KPNB1: variants seen among roughly 807,000 people sequenced by gnomAD.
The protein encoded by KPNB1 is karyopherin subunit beta 1, also known as importin subunit beta-1.
Under a neutral mutation model 113.0 loss-of-function variants are expected in KPNB1, and 7 were observed. The ratio of observed to expected loss-of-function variants is 0.06; its 90% confidence interval spans 0.04 to 0.12. The LOEUF (loss-of-function observed/expected upper bound fraction) is 0.12. Among genes scored for constraint, KPNB1 ranks in the 10% least tolerant of loss-of-function variants. The pLI, the probability that KPNB1 is intolerant of heterozygous loss-of-function variation, is 1.00. For missense variants in KPNB1, 400 were observed against 1,054.8 expected (o/e 0.38, Z 8.60); for synonymous variants, 363 against 378.6 (o/e 0.96, Z 0.48).
At chr17:47,677,983 T>A in intron 17 of KPNB1, 63 bp from the exon 18 acceptor site, 1 of 1,494,736 alleles carries the variant, frequency 6.7e-7, no homozygotes, top group South Asian at 1.2e-5. Flanking sequence ...AAATGAAATT[T>A]TCATGAATCT....
At position 47,650,197 on chromosome 17, in the gene KPNB1, G is replaced by A. The variant is rs1402603382; in HGVS notation, c.-48G>A. The A allele has an allele frequency of 7.1e-6, 9 of 1,273,238 alleles. No homozygotes were observed. The highest frequency in any genetic ancestry group is 8.1e-6 in the Non-Finnish European group (8 of 989,006). 78.9% of individuals were successfully genotyped at this position (1,273,238 alleles called of 1,614,324 possible). ...CCCCAGTTCGAGCCGCCGCCCGAAA[G>A]GCCGGGCCGTCGTCTTAGGAGGAGT... On this transcript the variant is annotated 5_prime_UTR_variant, in exon 1 of 22. Coordinates refer to ENST00000290158, the MANE Select transcript of KPNB1 (RefSeq NM_002265.6).
At chr17:47,662,904 A>G (rs141184870) in intron 6 of KPNB1, among the ~76,000 whole-genome samples, 185 bp from the exon 7 acceptor site, 2 of 152,280 alleles carry the variant, frequency 1.3e-5, no homozygotes, top group Non-Finnish European at 2.9e-5. Context: ...AAGAGAGACA[A>G]AATGGGAAAA....
Position 47,665,069 on chromosome 17 carries a change from G to A in KPNB1, c.910G>A (p.Gly304Arg). Residue 304 changes from glycine (G) to arginine (R), a missense_variant, in exon 9 of 22, where the codon GGA (glycine) becomes AGA (arginine). Coordinates refer to ENST00000290158, the MANE Select transcript of KPNB1 (RefSeq NM_002265.6). ...AIEASEAAEQ[G>R]RPPEHTSKFY... ...TGTTTCTCCTCAGGCAGCAGAACAA[G>A]GACGGCCCCCTGAGCACACCAGCAA... 1 of 1,614,170 alleles carries A rather than the reference G, an allele frequency of 6.2e-7. No individual in the cohort carries two copies. Among genetic ancestry groups the A allele is most frequent in the Non-Finnish European group, 8.5e-7 (1 of 1,180,016 alleles).
intron 19 of KPNB1, 26 bp from the exon 20 acceptor site, chr17:47,679,994 A>G (rs2030725907): frequency 1.4e-5 from 22 of 1,538,022 alleles, no homozygotes; most frequent in Non-Finnish European, 2.0e-5. Context: ...ACCGCACCCG[A>G]CCAATACCTT....
At chr17:47,675,318 T>G (rs1366156316) in intron 15 of KPNB1, among the ~76,000 whole-genome samples, 2 of 150,978 alleles carry the variant, frequency 1.3e-5, no homozygotes, top group East Asian at 3.9e-4. Context: ...GTCAGTCCAT[T>G]TAAATGGGGA....
In KPNB1 at chr17:47,682,856, C is replaced by T; in HGVS notation, c.*452C>T. On this transcript the variant is annotated 3_prime_UTR_variant, in exon 22 of 22. Transcript: ENST00000290158. ...TTGCTACTGAGGAGAAAGATGGAGCCTGGGTCTCAAGCCCACCTTCGCTGT... is the reference window on the plus strand; with the variant it reads ...TTGCTACTGAGGAGAAAGATGGAGCTTGGGTCTCAAGCCCACCTTCGCTGT... 5.3e-6 allele frequency: 1 copy of T among 189,928 alleles called. No homozygotes were observed. The highest frequency in any genetic ancestry group is 5.4e-5 in the Admixed American group (1 of 18,592). The allele number at this position is 189,928 out of a possible 1,614,324, so 11.8% of individuals were successfully genotyped here.
At chr17:47,658,212 T>G (rs2029965510) in intron 4 of KPNB1, among the ~76,000 whole-genome samples, 1 of 152,200 alleles carries the variant, frequency 6.6e-6, no homozygotes, top group Non-Finnish European at 1.5e-5. Context: ...TTACATAAAA[T>G]GGTGTAGTAT....
rs1280805653 is a variant in KPNB1, at chr17:47,673,175, A to G, written c.1695+10A>G. 1 of 1,613,722 alleles carries G rather than the reference A, an allele frequency of 6.2e-7. No individual in the cohort carries two copies. Among genetic ancestry groups the G allele is most frequent in the African/African-American group, 1.3e-5 (1 of 75,022 alleles). ...GGTTCTTCAGATGGAGGTGAGACCT[A>G]AGAGTGCCCCTGACTATGGGTGGGA... On this transcript the variant is annotated intron_variant, in intron 13 of 21. Coordinates refer to ENST00000290158, the MANE Select transcript of KPNB1 (RefSeq NM_002265.6).
Position 47,668,421 on chromosome 17 carries a change from G to A in KPNB1, c.1224+11G>A, listed in dbSNP as rs750451871. The A allele has an allele frequency of 1.2e-6, 2 of 1,600,272 alleles. No homozygotes were observed. Among genetic ancestry groups the A allele is most frequent in the Non-Finnish European group, 1.7e-6 (2 of 1,167,952 alleles). On this transcript the variant is annotated intron_variant, in intron 10 of 21. Coordinates refer to ENST00000290158, the MANE Select transcript of KPNB1 (RefSeq NM_002265.6). ...CCACTAGTTATACAGGTGAAACTGA[G>A]GGATTTTTGGAGTAGAAAGTAGGAT...
At chr17:47,680,229 A>C in intron 20 of KPNB1, 95 bp downstream of exon 20, 2 of 927,944 alleles carry the variant, frequency 2.2e-6, no homozygotes. Flanking sequence ...GCGGATGGCA[A>C]CAGTTCACTT....
rs139943119 is a variant in KPNB1, at chr17:47,654,598, G to A, written c.282+1722G>A. 3.7e-3 allele frequency among the ~76,000 whole-genome samples: 560 copies of A among 152,136 alleles called. 3 individuals carry two copies. Among genetic ancestry groups the A allele is most frequent in the Non-Finnish European group, 5.3e-3 (359 of 67,974 alleles). On this transcript the variant is annotated intron_variant, in intron 3 of 21. Coordinates refer to ENST00000290158, the MANE Select transcript of KPNB1 (RefSeq NM_002265.6). ...GATATTGGGGCACAATTGGGAGCTA[G>A]TTTCTCTTTTCTGATAATTGAATAT... is the stretch of plus-strand genomic sequence containing the variant.
Position 47,678,303 on chromosome 17 carries a change from T to TA in KPNB1, c.2248-4dup, listed in dbSNP as rs763395873. The TA allele has an allele frequency of 6.2e-7, 1 of 1,613,148 alleles. No individual in the cohort carries two copies. The highest frequency in any genetic ancestry group is 2.2e-5 in the East Asian group (1 of 44,890). ...GATGTAGGTTCTGTTCTTTGTGTCT[T>TA]ACAGTCAGACTATGACATGGTGGAT... On this transcript the variant is annotated splice_region_variant and splice_polypyrimidine_tract_variant and intron_variant, in intron 18 of 21. Transcript: ENST00000290158.
At chr17:47,676,578 G>A in intron 16 of KPNB1, 87 bp downstream of exon 16, 1 of 1,011,686 alleles carries the variant, frequency 9.9e-7, no homozygotes, top group Non-Finnish European at 1.5e-6. Context: ...TATAGCTTAA[G>A]TAGTTTTTCC....
intron 11 of KPNB1, 70 bp from the exon 12 acceptor site, chr17:47,670,632 A>T: frequency 6.8e-7 from 1 of 1,478,054 alleles, no homozygotes; most frequent in Non-Finnish European, 9.1e-7. Flanking sequence ...AAAGTATCTT[A>T]ATGAAAAATG....
At chr17:47,667,783 C>T (rs1437952184) in intron 9 of KPNB1, among the ~76,000 whole-genome samples, 1 of 151,926 alleles carries the variant, frequency 6.6e-6, no homozygotes, top group Non-Finnish European at 1.5e-5. Flanking sequence ...GTCTCAAACT[C>T]CTGACCTCAG....
At chr17:47,676,794 CT>C (rs1458853391) in intron 16 of KPNB1, among the ~76,000 whole-genome samples, 1 of 146,652 alleles carries the variant, frequency 6.8e-6, no homozygotes, top group African/African-American at 2.5e-5. Flanking sequence ...TATTAGCACC[CT>C]GGAGAGCAAG....
At chr17:47,651,269 T>A in intron 2 of KPNB1, 1 of 985,254 alleles carries the variant, frequency 1.0e-6, no homozygotes, top group Non-Finnish European at 1.2e-6. Context: ...TGGGATGGAT[T>A]GGTTGAAACA....
chr17:47,667,002 C>T (rs2030307786), intron 9 of KPNB1, among the ~76,000 whole-genome samples: 1 of 152,168 alleles, frequency 6.6e-6, no homozygotes, highest in African/African-American at 2.4e-5. Context: ...AGGCAACCTG[C>T]CTTAAGTTTA....
chr17:47,677,964 G>T lies in KPNB1; in HGVS notation c.2104-82G>T, dbSNP rs2030663468. On this transcript the variant is annotated intron_variant, in intron 17 of 21. Transcript: ENST00000290158. ...ATCCAAATATTTAAAATCAATAGTTGCTTGTTAGAAATGAAATTTTCATGA... is the reference window on the plus strand; with the variant it reads ...ATCCAAATATTTAAAATCAATAGTTTCTTGTTAGAAATGAAATTTTCATGA... The T allele has an allele frequency of 2.2e-6, 3 of 1,362,350 alleles. No individual in the cohort carries two copies. The Admixed American group carries it at 5.8e-5, about 26-fold the overall frequency. 84.4% of individuals were successfully genotyped at this position (1,362,350 alleles called of 1,614,324 possible). A position where few individuals can be genotyped will look rare whatever the true frequency, so the allele number is the denominator to read the frequency against.
Sources: gnomAD v4.1 joint callset for allele counts (sites outside exome capture counted in the v4.1 genomes callset) on GRCh38, gnomAD v4.1.1 for gene constraint, MANE v1.5 for transcripts, NCBI Gene and HGNC (gene_info 2026-07-23, HGNC 2026-07-21) for gene names.